Variants in ABHD6 observed in about 807,000 individuals in gnomAD.
ABHD6 encodes monoacylglycerol lipase ABHD6.
A neutral mutation model predicts 38.8 loss-of-function variants in ABHD6; 33 were observed. The observed-to-expected ratio is 0.85, with a 90% CI of 0.64 to 1.14. The LOEUF (loss-of-function observed/expected upper bound fraction) is 1.14. ABHD6 is among the 50% of genes most tolerant of loss of function. The pLI, the probability that ABHD6 is intolerant of heterozygous loss-of-function variation, is 0.00. For synonymous variants in ABHD6, 147 were observed against 161.6 expected (o/e 0.91, Z 0.69); for missense variants, 380 against 422.6 (o/e 0.90, Z 0.88).
intron 9 of ABHD6, among the ~76,000 whole-genome samples, chr3:58,289,980 C>A (rs1205432820): frequency 7.0e-6 from 1 of 142,084 alleles, no homozygotes; most frequent in Non-Finnish European, 1.5e-5. Context: ...AGGCGGCTGG[C>A]CGGGCGGGGG....
chr3:58,260,243 T>C (rs1296393443), intron 3 of ABHD6, among the ~76,000 whole-genome samples: 1 of 152,180 alleles, frequency 6.6e-6, no homozygotes, highest in Non-Finnish European at 1.5e-5. Context: ...TATGGATGCA[T>C]GGGGTCTTAA....
chr3:58,276,029 G>A lies in ABHD6; in HGVS notation c.681+1214G>A, dbSNP rs2097448487. Among the ~76,000 whole-genome samples the A allele has an allele frequency of 2.0e-5, 3 of 152,128 alleles. No homozygotes were observed. The South Asian group carries it at 6.2e-4, about 32-fold the overall frequency. ...CCAGTCTACCATTGATAGACATTTGGGTTGGTTCCAAGTCTTTGCTGCTGT... is the reference window on the plus strand; with the variant it reads ...CCAGTCTACCATTGATAGACATTTGAGTTGGTTCCAAGTCTTTGCTGCTGT... On this transcript the variant is annotated intron_variant, in intron 7 of 9. Transcript: ENST00000478253.
rs1207702472 is a variant in ABHD6 at position 58,291,846 on chromosome 3, G to A, written c.838-1743G>A. On this transcript the variant is annotated intron_variant, in intron 9 of 9. Transcript: ENST00000478253. The stretch of plus-strand genomic sequence containing the variant: ...ACCTGTCATCCCAGCTACCTGGGGG[G>A]CACTGAGGTGGGAGGATCACTTGAG... 3.9e-5 allele frequency among the ~76,000 whole-genome samples: 6 copies of A among 152,174 alleles called. No individual in the cohort carries two copies. The South Asian group carries it at 8.3e-4, about 21-fold the overall frequency.
chr3:58,261,126 T>C (rs1043359611), intron 3 of ABHD6, among the ~76,000 whole-genome samples: 6 of 152,150 alleles, frequency 3.9e-5, no homozygotes, highest in African/African-American at 1.4e-4. Context: ...AAGACTGAGA[T>C]TTTCTAAGAT....
At chr3:58,291,906 T>TGCCACTGCACTCCA (rs1440281580) in intron 9 of ABHD6, among the ~76,000 whole-genome samples, 1 of 152,124 alleles carries the variant, frequency 6.6e-6, no homozygotes, top group African/African-American at 2.4e-5. Context: ...GCCATGATCG[T>TGCCACTGCACTCCA]GCCACTGCAC....
At chr3:58,252,094 A>G (rs1316883685) in intron 2 of ABHD6, among the ~76,000 whole-genome samples, 1 of 152,158 alleles carries the variant, frequency 6.6e-6, no homozygotes, top group Non-Finnish European at 1.5e-5. Context: ...GCCAGCTGCC[A>G]CACTGGTGCC....
Position 58,293,478 on chromosome 3 carries a change from C to T in ABHD6, c.838-111C>T, listed in dbSNP as rs78208167. Reference sequence around the variant, plus strand: ...AGGGACTTGGTCCTAAAATTCACATCCTCCTGCCCCACTGACCCCTGCCAG... The same window carrying T: ...AGGGACTTGGTCCTAAAATTCACATTCTCCTGCCCCACTGACCCCTGCCAG... On this transcript the variant is annotated intron_variant, in intron 9 of 9. Transcript: ENST00000478253. The surrounding 1 kb of genome is among the most constrained non-coding windows in gnomAD (Gnocchi z 4.4). 92,024 of 1,157,288 alleles carry T rather than the reference C, an allele frequency of 0.08. 4,201 individuals are homozygous for T. Among genetic ancestry groups the T allele is most frequent in the Non-Finnish European group, 0.091 (75,843 of 833,268 alleles). 71.7% of individuals were successfully genotyped at this position (1,157,288 alleles called of 1,614,324 possible).
intron 3 of ABHD6, chr3:58,258,446 C>G (rs1313275005): frequency 2.7e-6 from 1 of 373,854 alleles, no homozygotes; most frequent in East Asian, 8.4e-5. Context: ...CTGAGCCTTT[C>G]TCCTTGTTGG....
At chr3:58,259,000 G>C (rs1454952075) in intron 3 of ABHD6, among the ~76,000 whole-genome samples, 3 of 152,202 alleles carry the variant, frequency 2.0e-5, no homozygotes, top group African/African-American at 7.2e-5. Flanking sequence ...GATGACCCCT[G>C]ACATGGAGAA....
In ABHD6 at chr3:58,268,747, T is replaced by C. The variant is rs377696397; in HGVS notation, c.277-574T>C. On this transcript the variant is annotated intron_variant, in intron 4 of 9. Transcript: ENST00000478253. ...TGGATGTTTGTTTGTTGGTAACTTA[T>C]GTTTCTCAGTTTCCTGGTTAAAAGT... Among the ~76,000 whole-genome samples, 60 of 152,368 alleles carry C rather than the reference T, an allele frequency of 3.9e-4. 3 individuals are homozygous for C. Among genetic ancestry groups the C allele is most frequent in the Admixed American group, 1.6e-3 (24 of 15,306 alleles).
chr3:58,271,621 C>T (rs555414072), intron 6 of ABHD6, among the ~76,000 whole-genome samples: 1 of 151,882 alleles, frequency 6.6e-6, no homozygotes, highest in African/African-American at 2.4e-5. Context: ...CATATGTCAA[C>T]GTGAAGTGTA....
At position 58,285,937 on chromosome 3, in the gene ABHD6, A is replaced by C. The variant is rs2097456554; in HGVS notation, c.837+484A>C. Among the ~76,000 whole-genome samples the C allele has an allele frequency of 6.6e-6, 1 of 151,990 alleles. No individual in the cohort carries two copies. Among genetic ancestry groups the C allele is most frequent in the African/African-American group, 2.4e-5 (1 of 41,380 alleles). ...ACTGCAACTTCTGCCTCCCAGGTTC[A>C]AGCGATTCTCCTGCCTCAGCCTCCC... On this transcript the variant is annotated intron_variant, in intron 9 of 9. Coordinates refer to ENST00000478253, the MANE Select transcript of ABHD6 (RefSeq NM_001320126.2). The surrounding 1 kb of genome is among the most constrained non-coding windows in gnomAD (Gnocchi z 4.9).
In ABHD6 at chr3:58,263,417, A is replaced by G. The variant is rs2097438486; in HGVS notation, c.120-3772A>G. 6.6e-6 allele frequency among the ~76,000 whole-genome samples: 1 copy of G among 151,982 alleles called. No homozygotes were observed. Among genetic ancestry groups the G allele is most frequent in the South Asian group, 2.1e-4 (1 of 4,826 alleles). ...AAAAAAAAAAAAAAGAAAAAATATT[A>G]GTTTTCCAGTTTCTTGTTTCTGGAG... On this transcript the variant is annotated intron_variant, in intron 3 of 9. Coordinates refer to ENST00000478253, the MANE Select transcript of ABHD6 (RefSeq NM_001320126.2). This position sits in a 1 kb window ranked among gnomAD's most constrained non-coding sequence, Gnocchi z 4.9.
intron 1 of ABHD6, among the ~76,000 whole-genome samples, chr3:58,249,371 TCATTC>T (rs1553717992): frequency 6.6e-6 from 1 of 152,228 alleles, no homozygotes; most frequent in Non-Finnish European, 1.5e-5. Context: ...TTTGCTCATC[TCATTC>T]TCTTGCTGCT....
At chr3:58,289,691 C>G (rs537654539) in intron 9 of ABHD6, among the ~76,000 whole-genome samples, 11 of 152,342 alleles carry the variant, frequency 7.2e-5, no homozygotes, top group East Asian at 1.9e-4. Context: ...CACCTTTCCC[C>G]CCTTTCTATT....
intron 2 of ABHD6, among the ~76,000 whole-genome samples, chr3:58,255,564 A>G (rs1050898509): frequency 4.0e-5 from 6 of 151,200 alleles, no homozygotes; most frequent in Non-Finnish European, 5.9e-5. Flanking sequence ...GGCTCAAGTG[A>G]TCCTCCCACC....
In ABHD6 at chr3:58,269,126, C is replaced by G. The variant is rs1464867916; in HGVS notation, c.277-195C>G. 6.6e-6 allele frequency among the ~76,000 whole-genome samples: 1 copy of G among 152,182 alleles called. No homozygotes were observed. The highest frequency in any genetic ancestry group is 1.9e-4 in the East Asian group (1 of 5,192). ...AGCCTGCTTCCATCTATGTATTAGC[C>G]TTTGTGGGCCTCTGCTCCCGATGAG... On this transcript the variant is annotated intron_variant, in intron 4 of 9. Coordinates refer to ENST00000478253, the MANE Select transcript of ABHD6 (RefSeq NM_001320126.2). This position sits in a 1 kb window ranked among gnomAD's most constrained non-coding sequence, Gnocchi z 4.4.
At position 58,293,402 on chromosome 3, in the gene ABHD6, A is replaced by G. The variant is rs79421802; in HGVS notation, c.838-187A>G. ...CTGGCACAGAGTTGCAGAATAAAACAGGAGGCATCATGGTTACTTCCATTC... is the reference window on the plus strand; with the variant it reads ...CTGGCACAGAGTTGCAGAATAAAACGGGAGGCATCATGGTTACTTCCATTC... On this transcript the variant is annotated intron_variant, in intron 9 of 9. Coordinates refer to ENST00000478253, the MANE Select transcript of ABHD6 (RefSeq NM_001320126.2). The surrounding 1 kb of genome is among the most constrained non-coding windows in gnomAD (Gnocchi z 4.4). Among the ~76,000 whole-genome samples the G allele has an allele frequency of 0.07, 10,693 of 152,270 alleles. 475 individuals are homozygous for G. Among genetic ancestry groups the G allele is most frequent in the African/African-American group, 0.088 (3,663 of 41,534 alleles).
chr3:58,274,725 G>A lies in ABHD6; in HGVS notation c.591G>A (p.Val197=). 6.2e-7 allele frequency: 1 copy of A among 1,614,212 alleles called. No individual in the cohort carries two copies. The highest frequency in any genetic ancestry group is 8.5e-7 in the Non-Finnish European group (1 of 1,180,040). Residue 197 remains valine (V), a synonymous_variant, in exon 7 of 10, where the codon GTG becomes GTA. Coordinates refer to ENST00000478253, the MANE Select transcript of ABHD6 (RefSeq NM_001320126.2). ...AAGAACTGCAGGGCTCTGCCGCCGT[G>A]GAGAAGATTCCCTTGATCCCGTCTA... ...RLKELQGSAA[V]EKIPLIPSTP...
Sources: gnomAD v4.1 joint callset for allele counts (sites outside exome capture counted in the v4.1 genomes callset) on GRCh38, gnomAD v4.1.1 for gene constraint, Gnocchi (gnomAD v3.1) non-coding constraint, MANE v1.5 for transcripts, NCBI Gene and HGNC (gene_info 2026-07-23, HGNC 2026-07-21) for gene names.